Variants in ZBTB44 observed in about 807,000 individuals in gnomAD.
ZBTB44 encodes zinc finger and BTB domain containing 44.
A neutral mutation model predicts 54.0 loss-of-function variants in ZBTB44; 15 were observed. The observed-to-expected ratio is 0.28, with a 90% CI of 0.19 to 0.43. The LOEUF (loss-of-function observed/expected upper bound fraction) is 0.43, where lower values mean the gene tolerates loss of function less well. Ranked by LOEUF, ZBTB44 falls within the 20% of genes least tolerant of loss-of-function variation. The pLI is 1.00. For missense variants in ZBTB44, 487 were observed against 707.1 expected, an observed-to-expected ratio of 0.69 and a Z score of 3.53; for synonymous variants, 230 against 250.1, an observed-to-expected ratio of 0.92 and a Z score of 0.76.
chr11:130,236,083 C>T lies in ZBTB44; in HGVS notation c.1568+710G>A, dbSNP rs1045352964. ...ACAACAGTTTTATATCTAGAGAAGGCCTTAGAAACCATCGTTTAAAGCTTA... is the reference window on the plus strand; with the variant it reads ...ACAACAGTTTTATATCTAGAGAAGGTCTTAGAAACCATCGTTTAAAGCTTA... On this transcript the variant is annotated intron_variant, in intron 5 of 7. Coordinates refer to ENST00000357899, the MANE Select transcript of ZBTB44 (RefSeq NM_001301098.2). 6.3e-6 allele frequency: 8 copies of T among 1,262,066 alleles called. No homozygotes were observed. In the East Asian group the frequency reaches 3.9e-4, roughly 62 times the overall value. The allele number at this position is 1,262,066 out of a possible 1,614,324, so 78.2% of individuals were successfully genotyped here.
chr11:130,262,029 A>C (rs1938896816), intron 1 of ZBTB44, 100 bp from the exon 2 acceptor site: 2 of 903,538 alleles, frequency 2.2e-6, no homozygotes, highest in Non-Finnish European at 3.2e-6. Context: ...TAAAAAGCTG[A>C]AAGATGGTAG....
chr11:130,253,265 A>G (rs1938166256), intron 2 of ZBTB44, among the ~76,000 whole-genome samples: 1 of 152,208 alleles, frequency 6.6e-6, no homozygotes, highest in South Asian at 2.1e-4. Context: ...TTACGAAAAG[A>G]GGAAGTCAAA....
chr11:130,278,729 C>T (rs778768838), intron 1 of ZBTB44, among the ~76,000 whole-genome samples: 70 of 152,062 alleles, frequency 4.6e-4, no homozygotes, highest in Non-Finnish European at 7.9e-4. Flanking sequence ...AGTGAATTTT[C>T]GGTTAATTAT....
At chr11:130,289,804 G>C (rs538839707) in intron 1 of ZBTB44, among the ~76,000 whole-genome samples, 1 of 152,076 alleles carries the variant, frequency 6.6e-6, no homozygotes, top group African/African-American at 2.4e-5. Flanking sequence ...ATAAATGTCC[G>C]TATTGTTTAA....
chr11:130,277,421 A>G lies in ZBTB44; in HGVS notation c.-56-15492T>C, dbSNP rs563136863. 3.9e-5 allele frequency among the ~76,000 whole-genome samples: 6 copies of G among 152,300 alleles called. No individual in the cohort carries two copies. The East Asian group carries it at 1.2e-3, about 29-fold the overall frequency. ...CCCATTTATAGTAGCATTGTTACAG[A>G]TATCATATCTGCTCATGATTACAAA... On this transcript the variant is annotated intron_variant, in intron 1 of 7. Coordinates refer to ENST00000357899, the MANE Select transcript of ZBTB44 (RefSeq NM_001301098.2).
intron 2 of ZBTB44, among the ~76,000 whole-genome samples, chr11:130,260,211 C>T (rs528177404): frequency 7.2e-5 from 11 of 152,162 alleles, no homozygotes; most frequent in Non-Finnish European, 1.5e-4. Context: ...TACTTACTTA[C>T]ATCATTTTGC....
chr11:130,276,098 T>C (rs1592009285), intron 1 of ZBTB44, among the ~76,000 whole-genome samples: 1 of 151,206 alleles, frequency 6.6e-6, no homozygotes, highest in Non-Finnish European at 1.5e-5. Flanking sequence ...TGGTGGCAGG[T>C]GCCTATAATC....
At chr11:130,236,243 A>G in intron 5 of ZBTB44, 1 of 1,277,990 alleles carries the variant, frequency 7.8e-7, no homozygotes, top group African/African-American at 1.5e-5. Context: ...TAATTCTATT[A>G]TAAATTAATA....
At chr11:130,273,277 G>T in intron 1 of ZBTB44, among the ~76,000 whole-genome samples, 1 of 147,704 alleles carries the variant, frequency 6.8e-6, no homozygotes, top group Admixed American at 6.7e-5. Context: ...TTATTCTTTT[G>T]ATGTCACCAT....
Position 130,230,575 on chromosome 11 carries a change from TAAAA to T in ZBTB44, c.*1185_*1188del, listed in dbSNP as rs61380912. ...GTATATTTTGTCTTACTGAAATTGATAAAAAAAAAAAACTGGCAATGTAACTAAA... is the reference window on the plus strand; with the variant it reads ...GTATATTTTGTCTTACTGAAATTGATAAAAAAAACTGGCAATGTAACTAAA... On this transcript the variant is annotated 3_prime_UTR_variant, in exon 8 of 8. Transcript: ENST00000357899. 3 of 142,754 alleles carry T rather than the reference TAAAA, an allele frequency of 2.1e-5. No individual in the cohort carries two copies. Among genetic ancestry groups the T allele is most frequent in the Non-Finnish European group, 3.1e-5 (2 of 64,698 alleles). 8.8% of individuals were successfully genotyped at this position (142,754 alleles called of 1,614,324 possible).
intron 1 of ZBTB44, among the ~76,000 whole-genome samples, chr11:130,292,238 T>C (rs1024313161): frequency 1.3e-5 from 2 of 152,248 alleles, no homozygotes; most frequent in African/African-American, 4.8e-5. Flanking sequence ...TGTACAAGAT[T>C]TGTGTGGACA....
chr11:130,247,752 A>G (rs550159702), intron 2 of ZBTB44, among the ~76,000 whole-genome samples: 1 of 152,218 alleles, frequency 6.6e-6, no homozygotes, highest in Non-Finnish European at 1.5e-5. Flanking sequence ...AGAAAAAAAA[A>G]CCCACGTATT....
chr11:130,300,988 AT>A lies in ZBTB44; in HGVS notation c.-57+13386del, dbSNP rs140140699. 8.0e-3 allele frequency among the ~76,000 whole-genome samples: 1,203 copies of A among 150,294 alleles called. 8 individuals carry two copies. The highest frequency in any genetic ancestry group is 0.019 in the African/African-American group (766 of 41,152). On this transcript the variant is annotated intron_variant, in intron 1 of 7. Coordinates refer to ENST00000357899, the MANE Select transcript of ZBTB44 (RefSeq NM_001301098.2). ...TTTTTTTCCCTTGTTACTCTCTCAGATTTTTTTTTTATTAAAGTAAAATATA... is the reference window on the plus strand; with the variant it reads ...TTTTTTTCCCTTGTTACTCTCTCAGATTTTTTTTTATTAAAGTAAAATATA...
At position 130,234,272 on chromosome 11, in the gene ZBTB44, C is replaced by T; in HGVS notation, c.1570G>A (p.Asp524Asn). The T allele has an allele frequency of 1.3e-6, 2 of 1,535,768 alleles. No individual in the cohort carries two copies. The highest frequency in any genetic ancestry group is 1.8e-6 in the Non-Finnish European group (2 of 1,139,642). The change falls in exon 6 of 8, where the codon GAT (aspartate) becomes AAT (asparagine). Residue 524 changes from aspartate to asparagine, a missense_variant and splice_region_variant. By Grantham distance (23) the Asp-to-Asn change is conservative (BLOSUM62 1). Transcript: ENST00000357899. ...SELANYFQSS[D>N]FLVPDYLNQE... is the part of the protein sequence containing the mutation. Reference sequence around the variant, plus strand: ...TTTAAGTAGTCCGGTACTAGGAAATCACTAGATAAGAGGCAAAGGATGAAA... The same window carrying T: ...TTTAAGTAGTCCGGTACTAGGAAATTACTAGATAAGAGGCAAAGGATGAAA...
Position 130,239,883 on chromosome 11 carries a change from T to C in ZBTB44, c.1032A>G (p.Glu344=). 1 of 1,610,924 alleles carries C rather than the reference T, an allele frequency of 6.2e-7. No homozygotes were observed. Reference sequence around the variant, plus strand: ...GTGTAGGCAAGCCCTCAGAAACGCCTTCATCTACTGAGCCTGTGAATAAGA... The same window carrying C: ...GTGTAGGCAAGCCCTCAGAAACGCCCTCATCTACTGAGCCTGTGAATAAGA... ...PQSSSIGSVD[E]GVSEGLPTLQ... is the part of the protein sequence containing the mutation. Residue 344 remains glutamate, a synonymous_variant, in exon 3 of 8, where the codon GAA becomes GAG. Transcript: ENST00000357899.
chr11:130,258,057 C>T (rs17139158), intron 2 of ZBTB44, among the ~76,000 whole-genome samples: 6,241 of 152,238 alleles, frequency 0.041, 318 homozygotes, highest in African/African-American at 0.12. Flanking sequence ...GATTTTCATA[C>T]GGCACTAACT....
At chr11:130,300,868 T>A (rs953031547) in intron 1 of ZBTB44, among the ~76,000 whole-genome samples, 1 of 152,158 alleles carries the variant, frequency 6.6e-6, no homozygotes. Flanking sequence ...ATAAAGTAGC[T>A]AGGTTCTAAA....
intron 3 of ZBTB44, 103 bp downstream of exon 3, chr11:130,239,709 G>A: frequency 2.3e-6 from 2 of 877,598 alleles, no homozygotes; most frequent in East Asian, 2.8e-5. Flanking sequence ...GTATACTGAA[G>A]TGAGGTTGTA....
At chr11:130,259,868 G>C (rs776443969) in intron 2 of ZBTB44, among the ~76,000 whole-genome samples, 4 of 151,680 alleles carry the variant, frequency 2.6e-5, no homozygotes, top group Non-Finnish European at 5.9e-5. Context: ...AGGGTTGATG[G>C]GTGCAGCAAA....
Sources: allele counts gnomAD v4.1 joint callset (sites outside exome capture counted in the v4.1 genomes callset), GRCh38; gene constraint gnomAD v4.1.1; transcripts MANE v1.5; gene names NCBI Gene and HGNC (gene_info 2026-07-23, HGNC 2026-07-21).